The following NFIA variants were observed in gnomAD, a reference collection of about 807,000 sequenced individuals.
NFIA encodes the protein nuclear factor 1 A-type.
In NFIA, 8 loss-of-function variants were observed where a neutral mutation model predicts 62.8. The ratio of observed to expected loss-of-function variants is 0.13; its 90% CI spans 0.07 to 0.23. NFIA has a LOEUF of 0.23. Among genes scored for constraint, NFIA ranks in the 10% least tolerant of loss-of-function variants. NFIA has a pLI of 1.00. For missense variants in NFIA, 410 were observed against 642.1 expected, an observed-to-expected ratio of 0.64 and a Z score of 3.91; for synonymous variants, 235 against 238.1, an observed-to-expected ratio of 0.99 and a Z score of 0.12.
intron 7 of NFIA, among the ~76,000 whole-genome samples, chr1:61,386,835 A>C (rs1480344597): frequency 2.0e-5 from 3 of 152,204 alleles, no homozygotes; most frequent in African/African-American, 7.2e-5. Flanking sequence ...GTCTATAAAC[A>C]ACAGAAATGT....
intron 4 of NFIA, among the ~76,000 whole-genome samples, chr1:61,347,333 C>A (rs1662289191): frequency 1.3e-5 from 2 of 151,990 alleles, no homozygotes; most frequent in South Asian, 2.1e-4. Flanking sequence ...ACCACCACGC[C>A]CGGCTAATTT....
Position 61,352,429 on chromosome 1 carries a change from TG to T in NFIA, c.701-20del, listed in dbSNP as rs1662594174. 6.6e-7 allele frequency: 1 copy of T among 1,523,342 alleles called. No individual in the cohort carries two copies. The highest frequency in any genetic ancestry group is 1.1e-5 in the South Asian group (1 of 88,092). 94.4% of individuals were successfully genotyped at this position (1,523,342 alleles called of 1,614,324 possible). A position where few individuals can be genotyped will look rare whatever the true frequency, so the allele number is the denominator to read the frequency against. Reference sequence around the variant, plus strand: ...TTATCCACAGAATTTAACTGATTTTTGTTTGTTTTCTTAATTCTAGCACCAA... The same window carrying T: ...TTATCCACAGAATTTAACTGATTTTTTTTGTTTTCTTAATTCTAGCACCAA... On this transcript the variant is annotated intron_variant, in intron 4 of 10. Transcript: ENST00000403491.
intron 2 of NFIA, among the ~76,000 whole-genome samples, chr1:61,106,841 C>T (rs2100445789): frequency 6.6e-6 from 1 of 151,430 alleles, no homozygotes; most frequent in South Asian, 2.1e-4. Context: ...TTTGTAATTC[C>T]CCTCCTATAA....
chr1:61,288,510 T>C (rs1339681979), intron 3 of NFIA, among the ~76,000 whole-genome samples: 1 of 152,230 alleles, frequency 6.6e-6, no homozygotes, highest in Non-Finnish European at 1.5e-5. Flanking sequence ...TAAACTCTAT[T>C]AGGCTTAAAG....
At chr1:61,116,242 A>C (rs1466039528) in intron 2 of NFIA, among the ~76,000 whole-genome samples, 1 of 152,220 alleles carries the variant, frequency 6.6e-6, no homozygotes, top group Non-Finnish European at 1.5e-5. Flanking sequence ...CCTTGTATAC[A>C]GTGAAAATGA....
At chr1:61,290,914 T>C (rs1186961616) in intron 3 of NFIA, among the ~76,000 whole-genome samples, 2 of 152,234 alleles carry the variant, frequency 1.3e-5, no homozygotes, top group Non-Finnish European at 2.9e-5. Context: ...GGTTCTCTTA[T>C]ACTTACAGAG....
chr1:61,360,490 A>G (rs534209530), intron 6 of NFIA, among the ~76,000 whole-genome samples: 1 of 152,232 alleles, frequency 6.6e-6, no homozygotes, highest in Non-Finnish European at 1.5e-5. Context: ...ACTACCTAGC[A>G]TAGAGTAAGT....
chr1:61,087,422 T>C (rs1646236740), intron 1 of NFIA, among the ~76,000 whole-genome samples: 1 of 152,134 alleles, frequency 6.6e-6, no homozygotes, highest in African/African-American at 2.4e-5. Flanking sequence ...TCCCATAGTA[T>C]TAGCAATTAT....
At chr1:61,151,984 A>T (rs1037227843) in intron 2 of NFIA, among the ~76,000 whole-genome samples, 3 of 152,308 alleles carry the variant, frequency 2.0e-5, no homozygotes, top group African/African-American at 7.2e-5. Context: ...TTGCTCAGAG[A>T]GTCCTGTCCT....
At chr1:61,212,833 G>T (rs190399754) in intron 2 of NFIA, among the ~76,000 whole-genome samples, 1 of 152,326 alleles carries the variant, frequency 6.6e-6, no homozygotes, top group East Asian at 1.9e-4. Flanking sequence ...TAAACCACTT[G>T]TGGATAATCG....
rs756992909 is a variant in NFIA, at chr1:61,280,004, CCTAT to C, written c.625+2422_625+2425del. 3.3e-4 allele frequency among the ~76,000 whole-genome samples: 50 copies of C among 152,230 alleles called. 1 individual carries two copies. Among genetic ancestry groups the C allele is most frequent in the Non-Finnish European group, 3.2e-4 (22 of 68,012 alleles). On this transcript the variant is annotated intron_variant, in intron 3 of 10. Transcript: ENST00000403491. ...TATCTAGGAGATAAAGTAATAAATTCCTATCTTTCAGTTTTCTATTTGTTTCAAA... is the reference window on the plus strand; with the variant it reads ...TATCTAGGAGATAAAGTAATAAATTCCTTTCAGTTTTCTATTTGTTTCAAA...
At chr1:61,174,297 C>G (rs1650176384) in intron 2 of NFIA, among the ~76,000 whole-genome samples, 1 of 152,198 alleles carries the variant, frequency 6.6e-6, no homozygotes. Flanking sequence ...GTTTGCAAAG[C>G]TGTTGTGGAG....
chr1:61,315,355 T>C (rs1260967423), intron 3 of NFIA, among the ~76,000 whole-genome samples: 1 of 152,106 alleles, frequency 6.6e-6, no homozygotes. Flanking sequence ...TTCGAGGGAG[T>C]AAATGAAATT....
At chr1:61,206,234 T>G (rs1652891707) in intron 2 of NFIA, among the ~76,000 whole-genome samples, 1 of 152,216 alleles carries the variant, frequency 6.6e-6, no homozygotes, top group Admixed American at 6.5e-5. Flanking sequence ...TTTTGTAATA[T>G]GAGGCTTTTC....
intron 2 of NFIA, among the ~76,000 whole-genome samples, chr1:61,213,686 G>A (rs1464577127): frequency 2.0e-5 from 3 of 152,164 alleles, no homozygotes; most frequent in Non-Finnish European, 2.9e-5. Context: ...AAGGACACAA[G>A]GGGTTTCATA....
intron 2 of NFIA, among the ~76,000 whole-genome samples, chr1:61,271,830 A>G (rs1054240221): frequency 6.6e-6 from 1 of 152,242 alleles, no homozygotes; most frequent in African/African-American, 2.4e-5. Context: ...TTGCTGGGAA[A>G]GTTATAAAGA....
At chr1:61,278,065 T>C (rs1406018359) in intron 3 of NFIA, among the ~76,000 whole-genome samples, 1 of 151,938 alleles carries the variant, frequency 6.6e-6, no homozygotes, top group Non-Finnish European at 1.5e-5. Context: ...AAAAAAAATA[T>C]CTATGCTTTG....
At chr1:61,187,766 G>T (rs1332781) in intron 2 of NFIA, among the ~76,000 whole-genome samples, 20,325 of 152,102 alleles carry the variant, frequency 0.13, 1,816 homozygotes, top group East Asian at 0.28. Flanking sequence ...CTTCAGAACC[G>T]TATAAATGCC....
intron 2 of NFIA, among the ~76,000 whole-genome samples, chr1:61,189,301 C>T (rs1054793443): frequency 3.3e-5 from 5 of 152,126 alleles, no homozygotes; most frequent in African/African-American, 1.2e-4. Context: ...TGCTTCTGTT[C>T]TGCTCTGCTT....
Sources: gnomAD v4.1 joint callset for allele counts (sites outside exome capture counted in the v4.1 genomes callset) on GRCh38, gnomAD v4.1.1 for gene constraint, MANE v1.5 for transcripts, NCBI Gene and HGNC (gene_info 2026-07-23, HGNC 2026-07-21) for gene names.